The following C2 variants were observed in gnomAD, a reference collection of about 807,000 sequenced individuals.
C2 encodes C3/C5 convertase.
C2 carries 64 observed loss-of-function variants against 85.2 expected under a neutral mutation model. The observed-to-expected ratio is 0.75, with a 90% confidence interval of 0.61 to 0.92. The LOEUF (loss-of-function observed/expected upper bound fraction) is 0.92. Ranked by LOEUF, C2 falls within the 40% of genes least tolerant of loss-of-function variation. The pLI is 0.00. For missense variants in C2, 820 were observed against 971.6 expected (o/e 0.84, Z 2.07); for synonymous variants, 311 against 370.8 (o/e 0.84, Z 1.85).
chr6:31,926,436 G>T (rs1251378806), upstream of C2, among the ~76,000 whole-genome samples: 1 of 149,622 alleles, frequency 6.7e-6, no homozygotes, highest in East Asian at 2.0e-4. Context: ...GGGTTCAAGT[G>T]ATTCTCCTGC....
Position 31,944,248 on chromosome 6 carries a change from T to TCCCA in C2, c.1902+22_1902+23insCCCA. 4.0e-6 allele frequency: 6 copies of TCCCA among 1,506,000 alleles called. No homozygotes were observed. Among genetic ancestry groups the TCCCA allele is most frequent in the Admixed American group, 1.7e-5 (1 of 59,900 alleles). The allele number at this position is 1,506,000 out of a possible 1,614,324, so 93.3% of individuals were successfully genotyped here. ...GGAGGTGAGGGTCTCAGGTTGGGGA[T>TCCCA]GCTGGGATCCCCCTGTGACAGCTCC... is the stretch of plus-strand genomic sequence containing the variant. On this transcript the variant is annotated intron_variant, in intron 15 of 17. Coordinates refer to ENST00000299367, the MANE Select transcript of C2 (RefSeq NM_000063.6). The surrounding 1 kb of genome is among the most constrained non-coding windows in gnomAD (Gnocchi z 5.1).
rs70990291 is a variant in C2, at chr6:31,935,016, TAAATA to T, written c.849+743_849+747del. On this transcript the variant is annotated intron_variant, in intron 6 of 17. Transcript: ENST00000299367. This position sits in a 1 kb window ranked among gnomAD's most constrained non-coding sequence, Gnocchi z 4.3. ...AGAGCAAAACTCTGTCTCAAAAAAA[TAAATA>T]AAATAAAATAAAATAAAATAAAATA... 0.021 allele frequency: 17,241 copies of T among 828,226 alleles called. 238 individuals carry two copies. The highest frequency in any genetic ancestry group is 0.024 in the Non-Finnish European group (16,243 of 686,706). The allele number at this position is 828,226 out of a possible 1,614,324, so 51.3% of individuals were successfully genotyped here. A position where few individuals can be genotyped will look rare whatever the true frequency, so the allele number is the denominator to read the frequency against.
At chr6:31,899,183 T>C (rs756949194), upstream of C2, among the ~76,000 whole-genome samples, 7 of 151,472 alleles carry the variant, frequency 4.6e-5, no homozygotes, top group Non-Finnish European at 1.0e-4. Flanking sequence ...AAAAATACTG[T>C]ATGTCTCTAC....
In C2 at chr6:31,933,728, G is replaced by C; in HGVS notation, c.561G>C (p.Ser187=). ...CSSNLVLTGS[S]ERECQGNGVW... ...CGAATCTTGTGCTCACGGGGTCTTC[G>C]GAGCGGGAGTGCCAGGGCAACGGGG... The change falls in exon 4 of 18, where the codon TCG becomes TCC. Residue 187 remains serine (S), a synonymous_variant. Coordinates refer to ENST00000299367, the MANE Select transcript of C2 (RefSeq NM_000063.6). 2 of 1,613,470 alleles carry C rather than the reference G, an allele frequency of 1.2e-6. No individual in the cohort carries two copies. Among genetic ancestry groups the C allele is most frequent in the South Asian group, 1.1e-5 (1 of 91,090 alleles).
intron 1 of C2, chr6:31,901,419 G>T: frequency 8.6e-7 from 1 of 1,168,374 alleles, no homozygotes; most frequent in Non-Finnish European, 1.2e-6. Flanking sequence ...CCAGCCCCCC[G>T]GCATCCGATC....
rs755658270 is a variant in C2 at position 31,943,175 on chromosome 6, C to T, written c.1361-50C>T. ...CAGAGGCCCGTGTTGGGAACCTGGA[C>T]ACAGTGCCCCTCACTTGCCTCCTTC... On this transcript the variant is annotated intron_variant, in intron 10 of 17. Coordinates refer to ENST00000299367, the MANE Select transcript of C2 (RefSeq NM_000063.6). This position sits in a 1 kb window ranked among gnomAD's most constrained non-coding sequence, Gnocchi z 6.4. 10 of 1,611,412 alleles carry T rather than the reference C, an allele frequency of 6.2e-6. No individual in the cohort carries two copies. In the Admixed American group the frequency reaches 1.2e-4, roughly 19 times the overall value.
At position 31,939,213 on chromosome 6, in the gene C2, T is replaced by C; in HGVS notation, c.1130-18T>C. The C allele has an allele frequency of 6.4e-7, 1 of 1,565,246 alleles. No individual in the cohort carries two copies. The highest frequency in any genetic ancestry group is 8.8e-7 in the Non-Finnish European group (1 of 1,136,794). The stretch of plus-strand genomic sequence containing the variant: ...TCCTGATATTACCTAGAAGAATTCT[T>C]TATTCTCTTTGTTCTAGGAAAGTCC... On this transcript the variant is annotated intron_variant, in intron 8 of 17. Transcript: ENST00000299367.
At chr6:31,901,185 T>C in intron 1 of C2, 2 of 1,613,576 alleles carry the variant, frequency 1.2e-6, no homozygotes, top group Non-Finnish European at 1.7e-6. Context: ...AACTTGAGGC[T>C]GTCGGCCACA....
chr6:31,944,968 C>T lies in C2; in HGVS notation c.2030-12C>T. 1.2e-6 allele frequency: 2 copies of T among 1,613,058 alleles called. No individual in the cohort carries two copies. Among genetic ancestry groups the T allele is most frequent in the Non-Finnish European group, 1.7e-6 (2 of 1,180,008 alleles). ...CTAGATGACACTGTCTCCTGTCACC[C>T]TTTGCTGGCAGGAGAATCTGGGGGA... On this transcript the variant is annotated splice_polypyrimidine_tract_variant and intron_variant, in intron 16 of 17. Coordinates refer to ENST00000299367, the MANE Select transcript of C2 (RefSeq NM_000063.6). The surrounding 1 kb of genome is among the most constrained non-coding windows in gnomAD (Gnocchi z 5.1).
intron 1 of C2, among the ~76,000 whole-genome samples, chr6:31,902,898 A>G (rs1767460528): frequency 6.6e-6 from 1 of 152,196 alleles, no homozygotes; most frequent in Admixed American, 6.5e-5. Flanking sequence ...TTATTATGTT[A>G]GTATGATTCT....
At chr6:31,911,284 G>T (rs956586413) in intron 1 of C2, among the ~76,000 whole-genome samples, 1 of 151,984 alleles carries the variant, frequency 6.6e-6, no homozygotes, top group African/African-American at 2.4e-5. Flanking sequence ...AGGAGACAGA[G>T]GGAGACTCTT....
At chr6:31,898,949 G>A (rs1334045529), upstream of C2, among the ~76,000 whole-genome samples, 1 of 152,016 alleles carries the variant, frequency 6.6e-6, no homozygotes, top group Non-Finnish European at 1.5e-5. Context: ...GTTTAGGGCT[G>A]GGCTCCTTCA....
At position 31,945,073 on chromosome 6, in the gene C2, C is replaced by A; in HGVS notation, c.2079+44C>A. The stretch of plus-strand genomic sequence containing the variant: ...GCAGGACCCAGGGGTTACAGGATCT[C>A]AGCCTTGTTGGGGGGATGAGGGAGG... On this transcript the variant is annotated intron_variant, in intron 17 of 17. Transcript: ENST00000299367. The surrounding 1 kb of genome is among the most constrained non-coding windows in gnomAD (Gnocchi z 5.3). The A allele has an allele frequency of 1.2e-6, 2 of 1,612,166 alleles. No homozygotes were observed. Among genetic ancestry groups the A allele is most frequent in the Non-Finnish European group, 1.7e-6 (2 of 1,179,272 alleles).
chr6:31,897,944 T>A (rs540227717), upstream of C2: 1 of 1,044,688 alleles, frequency 9.6e-7, no homozygotes, highest in East Asian at 7.6e-5. Context: ...TGGTTTTAGG[T>A]AACAAGCGGA....
At position 31,936,139 on chromosome 6, in the gene C2, A is replaced by T; in HGVS notation, c.988+78A>T. The T allele has an allele frequency of 2.6e-6, 4 of 1,516,406 alleles. No individual in the cohort carries two copies. The South Asian group carries it at 4.7e-5, about 18-fold the overall frequency. 93.9% of individuals were successfully genotyped at this position (1,516,406 alleles called of 1,614,324 possible). ...AGGGCCTGCAAACAAATTCTGGATG[A>T]GTTAAAAAGAGAGTGAGGCCTCTTG... On this transcript the variant is annotated intron_variant, in intron 7 of 17. Coordinates refer to ENST00000299367, the MANE Select transcript of C2 (RefSeq NM_000063.6).
chr6:31,910,169 G>A (rs902257692), intron 1 of C2, among the ~76,000 whole-genome samples: 2 of 151,000 alleles, frequency 1.3e-5, no homozygotes, highest in South Asian at 2.1e-4. Flanking sequence ...GTGAGCCACC[G>A]CGCCTGGCTT....
chr6:31,941,723 A>G (rs1354320521), intron 9 of C2: 1 of 151,842 alleles, frequency 6.6e-6, no homozygotes, highest in African/African-American at 2.4e-5. Flanking sequence ...GCTGGTCTTA[A>G]ACTCCTGGCC....
intron 1 of C2, among the ~76,000 whole-genome samples, chr6:31,910,538 C>T (rs1768023269): frequency 6.6e-6 from 1 of 151,918 alleles, no homozygotes; most frequent in Middle Eastern, 3.4e-3. Context: ...CCATGTTGCT[C>T]AGGCTTAGAA....
chr6:31,942,773 T>G (rs1426555235), intron 9 of C2, 186 bp from the exon 10 acceptor site: 1 of 670,616 alleles, frequency 1.5e-6, no homozygotes, highest in Non-Finnish European at 2.6e-6. Flanking sequence ...AGAGGCTGTG[T>G]GCTGCAGGAG....
Sources: allele counts gnomAD v4.1 joint callset (sites outside exome capture counted in the v4.1 genomes callset), GRCh38; gene constraint gnomAD v4.1.1; non-coding constraint Gnocchi (gnomAD v3.1); transcripts MANE v1.5; gene names NCBI Gene and HGNC (gene_info 2026-07-23, HGNC 2026-07-21).